Variants in IDH1 observed in about 807,000 individuals in gnomAD.
The protein encoded by IDH1 is isocitrate dehydrogenase [NADP] cytoplasmic.
A neutral mutation model predicts 46.1 loss-of-function variants in IDH1; 33 were observed. The observed-to-expected ratio is 0.72, with a 90% confidence interval of 0.54 to 0.96. The LOEUF (loss-of-function observed/expected upper bound fraction) is 0.96. Among genes scored for constraint, IDH1 ranks in the 40% least tolerant of loss-of-function variants. The pLI is 0.00. For missense variants in IDH1, 421 were observed against 515.7 expected, an observed-to-expected ratio of 0.82 and a Z score of 1.78; for synonymous variants, 144 against 172.8, an observed-to-expected ratio of 0.83 and a Z score of 1.31.
intron 5 of IDH1, among the ~76,000 whole-genome samples, chr2:208,244,130 TGTTTAAGA>T (rs1187165897): frequency 6.6e-6 from 1 of 152,186 alleles, no homozygotes; most frequent in Non-Finnish European, 1.5e-5. Flanking sequence ...GAAATCTGGT[TGTTTAAGA>T]GTCTGGGACC....
At chr2:208,244,408 G>A (rs1281092223) in intron 5 of IDH1, among the ~76,000 whole-genome samples, 2 of 152,008 alleles carry the variant, frequency 1.3e-5, no homozygotes, top group African/African-American at 4.8e-5. Context: ...TAAACTTTAG[G>A]GGTGTACTCA....
intron 3 of IDH1, among the ~76,000 whole-genome samples, chr2:208,249,269 A>G (rs1202957372): frequency 6.6e-6 from 1 of 151,182 alleles, no homozygotes; most frequent in Admixed American, 6.6e-5. Flanking sequence ...GGCTCACTCA[A>G]CCTCTGCCTT....
intron 6 of IDH1, among the ~76,000 whole-genome samples, chr2:208,242,754 TTTTTC>T (rs200866943): frequency 0.027 from 4,105 of 151,900 alleles, 141 homozygotes; most frequent in African/African-American, 0.093. Context: ...TAAATTCTTT[TTTTTC>T]TTTTCTTTTC....
At chr2:208,237,643 G>A (rs758241397) in intron 9 of IDH1, among the ~76,000 whole-genome samples, 4 of 151,918 alleles carry the variant, frequency 2.6e-5, no homozygotes, top group Non-Finnish European at 5.9e-5. Flanking sequence ...AAGACAGGCC[G>A]GGCCTGGTGG....
chr2:208,245,495 A>G (rs1688000468), intron 4 of IDH1, 71 bp from the exon 5 acceptor site: 2 of 863,846 alleles, frequency 2.3e-6, no homozygotes, highest in Admixed American at 1.7e-5. Flanking sequence ...GAATATTCAT[A>G]TAATATAGAC....
In IDH1 at chr2:208,255,025, C is replaced by G. The variant is rs1327425239; in HGVS notation, c.-177G>C. 2 of 152,400 alleles carry G rather than the reference C, an allele frequency of 1.3e-5. No homozygotes were observed. Among genetic ancestry groups the G allele is most frequent in the Non-Finnish European group, 2.9e-5 (2 of 68,218 alleles). The allele number at this position is 152,400 out of a possible 1,614,324, so 9.4% of individuals were successfully genotyped here. A position where few individuals can be genotyped will look rare whatever the true frequency, so the allele number is the denominator to read the frequency against. ...ACAACCACAGCCTGGCAATCCCAAA[C>G]CGGACTCCCAGTGCCTCCGCTTCTG... is the stretch of plus-strand genomic sequence containing the variant. On this transcript the variant is annotated 5_prime_UTR_variant, in exon 1 of 10. Coordinates refer to ENST00000345146, the MANE Select transcript of IDH1 (RefSeq NM_005896.4).
At chr2:208,242,856 C>T (rs533703745) in intron 6 of IDH1, among the ~76,000 whole-genome samples, 1 of 152,128 alleles carries the variant, frequency 6.6e-6, no homozygotes, top group African/African-American at 2.4e-5. Context: ...CCTCCGCCTC[C>T]CGGGTTCACG....
intron 7 of IDH1, 65 bp downstream of exon 7, chr2:208,241,929 C>T (rs1687926511): frequency 1.3e-6 from 2 of 1,554,126 alleles, no homozygotes; most frequent in Admixed American, 1.7e-5. Flanking sequence ...CAAAACTCCC[C>T]TTCCCAAATT....
At chr2:208,241,101 C>T (rs887743611) in intron 7 of IDH1, among the ~76,000 whole-genome samples, 2 of 152,230 alleles carry the variant, frequency 1.3e-5, no homozygotes, top group African/African-American at 4.8e-5. Flanking sequence ...AAACCAGGCG[C>T]TGTGTTTCTG....
chr2:208,251,621 A>ATATATAAACAACGTAGTGTT lies in IDH1; in HGVS notation c.-16-74_-16-55dup, dbSNP rs967638200. On this transcript the variant is annotated intron_variant, in intron 2 of 9. Transcript: ENST00000345146. ...GTCATTTATTTCATTATAAAGTGAA[A>ATATATAAACAACGTAGTGTT]TATATAAACAACGTAGTGTTTATAT... The ATATATAAACAACGTAGTGTT allele has an allele frequency of 4.1e-5, 59 of 1,445,418 alleles. No homozygotes were observed. In the South Asian group the frequency reaches 4.3e-4, roughly 11 times the overall value. 89.5% of individuals were successfully genotyped at this position (1,445,418 alleles called of 1,614,324 possible).
At position 208,245,546 on chromosome 2, in the gene IDH1, C is replaced by CT. The variant is rs34363027; in HGVS notation, c.415-123dup. On this transcript the variant is annotated intron_variant, in intron 4 of 9. Coordinates refer to ENST00000345146, the MANE Select transcript of IDH1 (RefSeq NM_005896.4). The stretch of plus-strand genomic sequence containing the variant: ...ACAAATAGGGCAGTATGTCAAACTT[C>CT]TTTTTTTTTTTTTTTTTTTAGGAGA... 0.11 allele frequency: 36,584 copies of CT among 325,568 alleles called. 1,500 individuals carry two copies. The highest frequency in any genetic ancestry group is 0.26 in the African/African-American group (10,565 of 40,878). The allele number at this position is 325,568 out of a possible 1,614,324, so 20.2% of individuals were successfully genotyped here. A position where few individuals can be genotyped will look rare whatever the true frequency, so the allele number is the denominator to read the frequency against.
chr2:208,244,210 T>C (rs1403514408), intron 5 of IDH1, among the ~76,000 whole-genome samples: 1 of 152,252 alleles, frequency 6.6e-6, no homozygotes, highest in East Asian at 1.9e-4. Context: ...TCTGTTTGCC[T>C]TCTGCCAAGA....
chr2:208,251,575 GAA>G lies in IDH1; in HGVS notation c.-16-10_-16-9del. On this transcript the variant is annotated splice_polypyrimidine_tract_variant and intron_variant, in intron 2 of 9. Coordinates refer to ENST00000345146, the MANE Select transcript of IDH1 (RefSeq NM_005896.4). Reference sequence around the variant, plus strand: ...ATTTTGACTTCAATAAACCTAAAAAGAAAAAAAAAATACATGCCTTGTCATTT... The same window carrying G: ...ATTTTGACTTCAATAAACCTAAAAAGAAAAAAAATACATGCCTTGTCATTT... 5 of 1,493,690 alleles carry G rather than the reference GAA, an allele frequency of 3.3e-6. No homozygotes were observed. The highest frequency in any genetic ancestry group is 1.4e-5 in the African/African-American group (1 of 70,220). The allele number at this position is 1,493,690 out of a possible 1,614,324, so 92.5% of individuals were successfully genotyped here.
At chr2:208,252,415 G>A (rs1023690976) in intron 2 of IDH1, among the ~76,000 whole-genome samples, 2 of 152,176 alleles carry the variant, frequency 1.3e-5, no homozygotes, top group Admixed American at 6.5e-5. Flanking sequence ...TTAAGGATAG[G>A]GTGTGGGGGT....
chr2:208,248,795 G>T, intron 3 of IDH1, 135 bp from the exon 4 acceptor site: 1 of 755,616 alleles, frequency 1.3e-6, no homozygotes, highest in Non-Finnish European at 2.3e-6. Context: ...CCAAGTTTTA[G>T]CACTGGCACA....
intron 4 of IDH1, 95 bp downstream of exon 4, chr2:208,248,274 T>C (rs1688058948): frequency 9.2e-7 from 1 of 1,092,174 alleles, no homozygotes; most frequent in Non-Finnish European, 1.4e-6. Context: ...TGGGTGTAGA[T>C]ACCAAAAGAT....
rs769739538 is a variant in IDH1, at chr2:208,245,367, G to A, written c.472C>T (p.Pro158Ser). ...GPGKVEITYTPSDGTQKVTYL... is the reference protein window; with the variant it reads ...GPGKVEITYTSSDGTQKVTYL... ...GTCACCTTTTGGGTTCCGTCACTTGGTGTGTAGGTTATCTCTACTTTTCCA... is the reference window on the plus strand; with the variant it reads ...GTCACCTTTTGGGTTCCGTCACTTGATGTGTAGGTTATCTCTACTTTTCCA... The change falls in exon 5 of 10, where the codon CCA becomes TCA. Residue 158 changes from proline (P) to serine (S), a missense_variant. Pro to Ser is a moderately conservative substitution (Grantham distance 74). Transcript: ENST00000345146. 1.2e-6 allele frequency: 2 copies of A among 1,612,388 alleles called. No individual in the cohort carries two copies. The highest frequency in any genetic ancestry group is 2.2e-5 in the South Asian group (2 of 91,012).
chr2:208,249,259 G>A (rs560262780), intron 3 of IDH1, among the ~76,000 whole-genome samples: 347 of 150,824 alleles, frequency 2.3e-3, no homozygotes, highest in Admixed American at 4.6e-3. Context: ...GCACGATCTT[G>A]GCTCACTCAA....
rs141133214 is a variant in IDH1, at chr2:208,241,904, T to C, written c.850+90A>G. 6.7e-4 allele frequency: 903 copies of C among 1,346,438 alleles called. 4 individuals are homozygous for C. The African/African-American group carries it at 0.011, about 17-fold the overall frequency. 83.4% of individuals were successfully genotyped at this position (1,346,438 alleles called of 1,614,324 possible). A position where few individuals can be genotyped will look rare whatever the true frequency, so the allele number is the denominator to read the frequency against. On this transcript the variant is annotated intron_variant, in intron 7 of 9. Coordinates refer to ENST00000345146, the MANE Select transcript of IDH1 (RefSeq NM_005896.4). ...CTGGAGGTTTAACATTCCAAGATTT[T>C]ACAACAAAGGACTACAAAACTCCCC... is the stretch of plus-strand genomic sequence containing the variant.
Sources: gnomAD v4.1 joint callset for allele counts (sites outside exome capture counted in the v4.1 genomes callset) on GRCh38, gnomAD v4.1.1 for gene constraint, MANE v1.5 for transcripts, NCBI Gene and HGNC (gene_info 2026-07-23, HGNC 2026-07-21) for gene names.